The following EYS variants were observed in gnomAD, a reference collection of about 807,000 sequenced individuals.
EYS encodes protein eyes shut homolog.
A neutral mutation model predicts 282.1 loss-of-function variants in EYS; 250 were observed. The observed-to-expected ratio is 0.89, with a 90% CI of 0.80 to 0.98. EYS has a LOEUF of 0.98. Among genes scored for constraint, EYS ranks in the 50% least tolerant of loss-of-function variants. The pLI is 0.00. For missense variants in EYS, 4,016 were observed against 3,709.0 expected, an observed-to-expected ratio of 1.08 and a Z score of -2.15; for synonymous variants, 1,355 against 1,282.9, an observed-to-expected ratio of 1.06 and a Z score of -1.20.
intron 28 of EYS, among the ~76,000 whole-genome samples, chr6:64,418,463 G>A (rs1343781564): frequency 1.3e-5 from 2 of 152,088 alleles, no homozygotes; most frequent in Admixed American, 6.5e-5. Flanking sequence ...TCTGCCCTCT[G>A]TGTGTTCGAA....
rs112663745 is a variant in EYS, at chr6:65,371,741, C to CTGTGTG, written c.1299+12639_1299+12644dup. Among the ~76,000 whole-genome samples the CTGTGTG allele has an allele frequency of 3.4e-3, 236 of 70,272 alleles. 3 individuals are homozygous for CTGTGTG. The East Asian group carries it at 0.035, about 10-fold the overall frequency. The allele number at this position is 70,272 out of a possible 152,430, so 46.1% of individuals were successfully genotyped here. On this transcript the variant is annotated intron_variant, in intron 8 of 42. Transcript: ENST00000503581. Reference sequence around the variant, plus strand: ...TCTCTCTCTCTCTCTCTCTCTCTCTCTGTGTGTGTGTGTGTGTGTGTGTGT... The same window carrying CTGTGTG: ...TCTCTCTCTCTCTCTCTCTCTCTCTCTGTGTGTGTGTGTGTGTGTGTGTGTGTGTGT...
At position 63,943,024 on chromosome 6, in the gene EYS, A is replaced by G. The variant is rs528677555; in HGVS notation, c.7055+41359T>C. On this transcript the variant is annotated intron_variant, in intron 35 of 42. Transcript: ENST00000503581. ...GTATATAATGTATATAACATATCAA[A>G]TATGTGTTAACTGTTTATGTTATTG... Among the ~76,000 whole-genome samples, 5 of 152,316 alleles carry G rather than the reference A, an allele frequency of 3.3e-5. No homozygotes were observed. In the South Asian group the frequency reaches 1.0e-3, roughly 32 times the overall value.
intron 31 of EYS, among the ~76,000 whole-genome samples, chr6:64,102,239 A>G (rs1293104704): frequency 6.6e-6 from 1 of 152,208 alleles, no homozygotes; most frequent in African/African-American, 2.4e-5. Context: ...TAAGTTCCCA[A>G]GTATTTCAAA....
intron 5 of EYS, among the ~76,000 whole-genome samples, chr6:65,481,483 G>C (rs1478573524): frequency 6.6e-6 from 1 of 152,072 alleles, no homozygotes; most frequent in Non-Finnish European, 1.5e-5. Context: ...TATTTATTAA[G>C]TATAGTATAC....
intron 36 of EYS, among the ~76,000 whole-genome samples, chr6:63,837,669 A>G (rs1771843461): frequency 1.3e-5 from 2 of 152,222 alleles, no homozygotes; most frequent in African/African-American, 4.8e-5. Flanking sequence ...TAACCAAGTG[A>G]ATTTATTGTG....
chr6:65,182,142 G>A (rs1765403525), intron 12 of EYS, among the ~76,000 whole-genome samples: 1 of 151,572 alleles, frequency 6.6e-6, no homozygotes, highest in African/African-American at 2.4e-5. Flanking sequence ...CACCAACATG[G>A]CATATGTATA....
At chr6:63,776,616 CAAT>C (rs1198681945) in intron 40 of EYS, among the ~76,000 whole-genome samples, 1 of 152,150 alleles carries the variant, frequency 6.6e-6, no homozygotes, top group Non-Finnish European at 1.5e-5. Context: ...TATCGGAACT[CAAT>C]AAAATTTCTA....
chr6:64,691,030 TA>T (rs1172964501), intron 22 of EYS, among the ~76,000 whole-genome samples: 1 of 151,922 alleles, frequency 6.6e-6, no homozygotes, highest in Non-Finnish European at 1.5e-5. Flanking sequence ...TATATAATAT[TA>T]AAAGAGGAAA....
chr6:65,472,868 T>G (rs1765265187), intron 5 of EYS, among the ~76,000 whole-genome samples: 1 of 152,032 alleles, frequency 6.6e-6, no homozygotes, highest in South Asian at 2.1e-4. Context: ...TTATTTTTTT[T>G]TAATAATATG....
chr6:64,270,927 A>G (rs139005653), intron 30 of EYS, among the ~76,000 whole-genome samples: 52 of 152,280 alleles, frequency 3.4e-4, no homozygotes, highest in African/African-American at 1.2e-3. Flanking sequence ...TGTACACTGT[A>G]TTATTCATTT....
intron 5 of EYS, among the ~76,000 whole-genome samples, chr6:65,410,573 C>T (rs893158137): frequency 2.6e-5 from 4 of 151,446 alleles, no homozygotes; most frequent in Non-Finnish European, 5.9e-5. Flanking sequence ...CTCTAGTAAC[C>T]ACTGTCCTAC....
At chr6:64,904,911 C>T (rs546868878) in intron 16 of EYS, among the ~76,000 whole-genome samples, 3 of 152,240 alleles carry the variant, frequency 2.0e-5, no homozygotes, top group Middle Eastern at 3.4e-3. Context: ...AATGAGATTG[C>T]CGAAATGCAG....
At chr6:64,082,991 C>A (rs1772024884) in intron 31 of EYS, among the ~76,000 whole-genome samples, 1 of 151,840 alleles carries the variant, frequency 6.6e-6, no homozygotes, top group South Asian at 2.1e-4. Context: ...TCACTTCAGC[C>A]TCAAACTCTC....
At chr6:63,884,918 C>T (rs142821208) in intron 35 of EYS, among the ~76,000 whole-genome samples, 19 of 151,822 alleles carry the variant, frequency 1.3e-4, no homozygotes, top group African/African-American at 2.4e-4. Flanking sequence ...AGAAATAATA[C>T]GCTATCTTAA....
chr6:64,134,075 G>T (rs1353773169), intron 31 of EYS, among the ~76,000 whole-genome samples: 2 of 152,026 alleles, frequency 1.3e-5, no homozygotes, highest in African/African-American at 4.8e-5. Context: ...GTAGAGCCTA[G>T]CGTCATGGGG....
intron 2 of EYS, among the ~76,000 whole-genome samples, chr6:65,497,481 T>C (rs1213218467): frequency 6.6e-6 from 1 of 151,972 alleles, no homozygotes; most frequent in African/African-American, 2.4e-5. Context: ...TGACACTGGA[T>C]GCCTTTAAGG....
At chr6:64,135,310 G>T (rs1774123559) in intron 31 of EYS, among the ~76,000 whole-genome samples, 1 of 151,806 alleles carries the variant, frequency 6.6e-6, no homozygotes, top group African/African-American at 2.4e-5. Context: ...TATAAACAAA[G>T]AATAGATCAT....
chr6:65,441,533 G>C (rs1413461268), intron 5 of EYS, among the ~76,000 whole-genome samples: 1 of 151,992 alleles, frequency 6.6e-6, no homozygotes, highest in Admixed American at 6.6e-5. Context: ...TCTTTCAGCT[G>C]TTCTATGTGT....
chr6:64,734,581 G>A (rs796543602), intron 22 of EYS, among the ~76,000 whole-genome samples: 1 of 152,152 alleles, frequency 6.6e-6, no homozygotes. Context: ...CTATTTCTAA[G>A]TATTTCTGTT....
Sources: gnomAD v4.1 joint callset for allele counts (sites outside exome capture counted in the v4.1 genomes callset) on GRCh38, gnomAD v4.1.1 for gene constraint, MANE v1.5 for transcripts, NCBI Gene and HGNC (gene_info 2026-07-23, HGNC 2026-07-21) for gene names.